SVEP1: variants seen among roughly 807,000 people sequenced by gnomAD.
SVEP1 encodes sushi, von Willebrand factor type A, EGF and pentraxin domain-containing protein 1.
A neutral mutation model predicts 367.3 loss-of-function variants in SVEP1; 164 were observed. The observed-to-expected ratio is 0.45, with a 90% CI of 0.39 to 0.51. The LOEUF is 0.51. Ranked by LOEUF, SVEP1 falls within the 20% of genes least tolerant of loss-of-function variation. The pLI, the probability that SVEP1 is intolerant of heterozygous loss-of-function variation, is 0.00. For missense variants in SVEP1, 4,117 were observed against 4,425.3 expected (o/e 0.93, Z 1.98); for synonymous variants, 1,666 against 1,611.6 (o/e 1.03, Z -0.81).
chr9:110,572,005 ACT>A (rs1830568884), intron 1 of SVEP1, among the ~76,000 whole-genome samples: 1 of 152,336 alleles, frequency 6.6e-6, no homozygotes, highest in East Asian at 1.9e-4. Flanking sequence ...TCTGGGTTAC[ACT>A]GTTTGGCTTT....
At chr9:110,516,071 T>C (rs1397541232) in intron 3 of SVEP1, among the ~76,000 whole-genome samples, 1 of 151,668 alleles carries the variant, frequency 6.6e-6, no homozygotes, top group Non-Finnish European at 1.5e-5. Context: ...CCCAGGCCCC[T>C]TGGATGCTAA....
intron 43 of SVEP1, among the ~76,000 whole-genome samples, chr9:110,380,174 G>A (rs547900242): frequency 1.2e-4 from 18 of 152,222 alleles, no homozygotes; most frequent in Non-Finnish European, 2.4e-4. Flanking sequence ...AGGGACATAT[G>A]CGTATATTTA....
chr9:110,549,479 T>A (rs536478896), intron 2 of SVEP1, among the ~76,000 whole-genome samples: 2 of 152,182 alleles, frequency 1.3e-5, no homozygotes, highest in African/African-American at 4.8e-5. Context: ...TCACTGAGCA[T>A]GTCTCTGAAT....
intron 3 of SVEP1, among the ~76,000 whole-genome samples, chr9:110,541,795 CTATATA>C (rs962173829): frequency 7.0e-6 from 1 of 142,026 alleles, no homozygotes. Context: ...ACATAGATAT[CTATATA>C]TATCTATATA....
At chr9:110,387,920 A>G (rs547632294) in intron 41 of SVEP1, among the ~76,000 whole-genome samples, 1 of 152,304 alleles carries the variant, frequency 6.6e-6, no homozygotes, top group East Asian at 1.9e-4. Context: ...CCGATATTGC[A>G]TATTTATAAG....
Position 110,406,275 on chromosome 9 carries a change from C to A in SVEP1, c.9325G>T (p.Val3109Leu), listed in dbSNP as rs779243679. The A allele has an allele frequency of 3.7e-6, 6 of 1,613,918 alleles. No individual in the cohort carries two copies. The African/African-American group carries it at 5.3e-5, about 14-fold the overall frequency. Residue 3109 changes from valine to leucine, a missense_variant, in exon 38 of 48, where the codon GTA (valine) becomes TTA (leucine). Val to Leu is a conservative substitution (Grantham distance 32). Transcript: ENST00000374469. Reference protein sequence around the residue: ...SSDLICTEKGVWSQPYPVCEP... With the variant: ...SSDLICTEKGLWSQPYPVCEP... ...CAGACTGGATAAGGCTGGCTCCATA[C>A]CCCTTTCTCTGTACAAATCAGATCT...
chr9:110,380,477 A>C (rs1827417990), intron 43 of SVEP1, among the ~76,000 whole-genome samples: 1 of 152,078 alleles, frequency 6.6e-6, no homozygotes, highest in Admixed American at 6.6e-5. Context: ...AATCAGAAGG[A>C]AATAAATGAA....
intron 3 of SVEP1, among the ~76,000 whole-genome samples, chr9:110,528,951 G>C (rs996255394): frequency 1.3e-5 from 2 of 151,746 alleles, no homozygotes; most frequent in Non-Finnish European, 2.9e-5. Context: ...TCTTTGCCTA[G>C]GTCAATGTCC....
chr9:110,397,593 C>A (rs564311226), intron 40 of SVEP1, among the ~76,000 whole-genome samples: 14 of 152,160 alleles, frequency 9.2e-5, no homozygotes, highest in African/African-American at 2.9e-4. Context: ...ACCTAGAAAA[C>A]CCCATTGTCT....
intron 1 of SVEP1, among the ~76,000 whole-genome samples, chr9:110,572,605 T>C (rs1186939842): frequency 6.6e-6 from 1 of 152,106 alleles, no homozygotes; most frequent in Non-Finnish European, 1.5e-5. Context: ...CGCACACCTG[T>C]AATCCCAGCA....
chr9:110,370,243 A>T (rs1827256530), intron 46 of SVEP1, among the ~76,000 whole-genome samples: 1 of 152,116 alleles, frequency 6.6e-6, no homozygotes, highest in African/African-American at 2.4e-5. Flanking sequence ...TTTAAGTCCC[A>T]GATTAAGTTC....
rs865819857 is a variant in SVEP1 at position 110,430,112 on chromosome 9, T to C, written c.5531-108A>G. On this transcript the variant is annotated intron_variant, in intron 33 of 47. Transcript: ENST00000374469. Reference sequence around the variant, plus strand: ...TTTTTTTGTTTGTTTGTTTTCTTTTTTTTTTTTTTTGGTGTGTGTGTGTGG... The same window carrying C: ...TTTTTTTGTTTGTTTGTTTTCTTTTCTTTTTTTTTTGGTGTGTGTGTGTGG... The C allele has an allele frequency of 1.2e-5, 15 of 1,249,502 alleles. No homozygotes were observed. The Middle Eastern group carries it at 7.0e-4, about 58-fold the overall frequency. The allele number at this position is 1,249,502 out of a possible 1,614,324, so 77.4% of individuals were successfully genotyped here.
chr9:110,531,986 C>G (rs775471155), intron 3 of SVEP1, among the ~76,000 whole-genome samples: 1 of 152,140 alleles, frequency 6.6e-6, no homozygotes, highest in East Asian at 1.9e-4. Context: ...TAAGCCAGTG[C>G]TTCCCAGGGT....
At position 110,489,701 on chromosome 9, in the gene SVEP1, T is replaced by A. The variant is rs1257497760; in HGVS notation, c.1879A>T (p.Thr627Ser). ...IGDVAIVYTA[T>S]DLSGNQASCI... ...CTGGCCTGGTTGCCGGATAGGTCAG[T>A]TGCCGTGTATACGATAGCAACATCT... The change falls in exon 9 of 48, where the codon ACT (threonine) becomes TCT (serine). Residue 627 changes from threonine to serine, a missense_variant. Around this residue, in one of 4 missense-constraint regions of SVEP1, gnomAD observed 2,174 missense variants for 2,494.3 expected, o/e 0.87. Transcript: ENST00000374469. 6.2e-7 allele frequency: 1 copy of A among 1,613,584 alleles called. No individual in the cohort carries two copies. Among genetic ancestry groups the A allele is most frequent in the East Asian group, 2.2e-5 (1 of 44,870 alleles).
At chr9:110,568,076 C>T (rs976836659) in intron 1 of SVEP1, among the ~76,000 whole-genome samples, 2 of 152,190 alleles carry the variant, frequency 1.3e-5, no homozygotes, top group African/African-American at 4.8e-5. Context: ...TTTTATGGTG[C>T]TGTTGGCTAG....
chr9:110,375,219 G>A (rs774218904), intron 46 of SVEP1, 149 bp downstream of exon 46: 11 of 684,356 alleles, frequency 1.6e-5, no homozygotes, highest in African/African-American at 9.1e-5. Flanking sequence ...GTTGAGACAC[G>A]AATCAAGGGA....
At position 110,408,900 on chromosome 9, in the gene SVEP1, C is replaced by A; in HGVS notation, c.6700G>T (p.Gly2234Cys). Residue 2234 changes from glycine to cysteine, a missense_variant, in exon 38 of 48, where the codon GGC becomes TGC. By Grantham distance (159) the Gly-to-Cys change is radical. This residue lies in a region of SVEP1 where 1,765 missense variants were observed against 1,781.1 expected (regional missense o/e 0.99). Transcript: ENST00000374469. ...ACAGGACTTCCGACTGACTTATAGC[C>A]CGGGTTACACTGATACCTCACTTCA... is the stretch of plus-strand genomic sequence containing the variant. ...ESEVRYQCNP[G>C]YKSVGSPVFV... is the part of the protein sequence containing the mutation. 1 of 1,609,924 alleles carries A rather than the reference C, an allele frequency of 6.2e-7. No individual in the cohort carries two copies. Among genetic ancestry groups the A allele is most frequent in the South Asian group, 1.1e-5 (1 of 90,362 alleles).
chr9:110,554,206 C>T (rs1027735864), intron 1 of SVEP1, among the ~76,000 whole-genome samples: 1 of 152,106 alleles, frequency 6.6e-6, no homozygotes, highest in African/African-American at 2.4e-5. Flanking sequence ...GAAAGTCTAC[C>T]ACCTTTTTTT....
chr9:110,382,208 G>A (rs186661255), intron 43 of SVEP1, among the ~76,000 whole-genome samples: 3 of 152,130 alleles, frequency 2.0e-5, no homozygotes, highest in Admixed American at 6.5e-5. Context: ...TTTTTGTAGC[G>A]GCTGGTAACA....
Sources: gnomAD v4.1 joint callset for allele counts (sites outside exome capture counted in the v4.1 genomes callset) on GRCh38, gnomAD v4.1.1 for gene constraint, gnomAD v4.1.1 regional missense constraint, MANE v1.5 for transcripts, NCBI Gene and HGNC (gene_info 2026-07-23, HGNC 2026-07-21) for gene names.